The following CSNK2A2IP variants were observed in gnomAD, a reference collection of about 807,000 sequenced individuals.
The protein encoded by CSNK2A2IP is casein kinase II subunit alpha'-interacting protein.
At chr3:88,339,985 G>T in the CSNK2A2IP span, among the ~76,000 whole-genome samples, 2 of 151,910 alleles carry the variant, frequency 1.3e-5, no homozygotes, top group Non-Finnish European at 2.9e-5. Context: ...AATGTTTTTA[G>T]ATATGCATTG....
the CSNK2A2IP span, among the ~76,000 whole-genome samples, chr3:88,406,390 G>A: frequency 3.9e-5 from 6 of 152,136 alleles, no homozygotes; most frequent in South Asian, 2.1e-4. Context: ...TACGGGAAGC[G>A]CAGTTGCTTT....
the CSNK2A2IP span, among the ~76,000 whole-genome samples, chr3:88,444,896 T>C: frequency 6.6e-6 from 1 of 152,202 alleles, no homozygotes; most frequent in African/African-American, 2.4e-5. Context: ...CACAGCTGCT[T>C]TCTAGAGACC....
the CSNK2A2IP span, among the ~76,000 whole-genome samples, chr3:88,362,717 A>C: frequency 6.6e-6 from 1 of 152,192 alleles, no homozygotes; most frequent in South Asian, 2.1e-4. Flanking sequence ...AAGGTGGCAG[A>C]TTCCCTTTCA....
chr3:88,440,298 G>GT, the CSNK2A2IP span, among the ~76,000 whole-genome samples: 5 of 151,938 alleles, frequency 3.3e-5, no homozygotes, highest in Admixed American at 1.3e-4. Context: ...TTGGAGTTGA[G>GT]TTTTTTTTAG....
At chr3:88,386,271 C>A in the CSNK2A2IP span, among the ~76,000 whole-genome samples, 1 of 152,002 alleles carries the variant, frequency 6.6e-6, no homozygotes, top group Non-Finnish European at 1.5e-5. Context: ...ATTACAGGCA[C>A]CCGCCACCAT....
the CSNK2A2IP span, among the ~76,000 whole-genome samples, chr3:88,420,382 C>T: frequency 6.6e-6 from 1 of 152,070 alleles, no homozygotes; most frequent in African/African-American, 2.4e-5. Context: ...TCTGTCTTCC[C>T]TATGTTAGTA....
At chr3:88,357,614 A>G in the CSNK2A2IP span, among the ~76,000 whole-genome samples, 2 of 152,148 alleles carry the variant, frequency 1.3e-5, no homozygotes, top group Non-Finnish European at 1.5e-5. Context: ...GATTTATGTG[A>G]AGAACATCAT....
At chr3:88,356,103 A>G in the CSNK2A2IP span, among the ~76,000 whole-genome samples, 39 of 152,206 alleles carry the variant, frequency 2.6e-4, no homozygotes, top group East Asian at 2.9e-3. Context: ...GAATGTTCCA[A>G]TCCACTCTTT....
chr3:88,437,768 A>G, the CSNK2A2IP span, among the ~76,000 whole-genome samples: 299 of 152,276 alleles, frequency 2.0e-3, no homozygotes, highest in African/African-American at 6.9e-3. Context: ...TCCTAGTTGG[A>G]TAGACTATCT....
At chr3:88,462,250 G>T in the CSNK2A2IP span, among the ~76,000 whole-genome samples, 2 of 151,798 alleles carry the variant, frequency 1.3e-5, no homozygotes, top group Non-Finnish European at 2.9e-5. Flanking sequence ...TACTTTGTAT[G>T]CTCTGTTTAA....
chr3:88,434,682 C>T, the CSNK2A2IP span, among the ~76,000 whole-genome samples: 1,383 of 152,204 alleles, frequency 9.1e-3, 14 homozygotes, highest in Non-Finnish European at 0.014. Context: ...TATAGTTTCC[C>T]CACCCAATGC....
the CSNK2A2IP span, among the ~76,000 whole-genome samples, chr3:88,415,844 A>T: frequency 6.6e-6 from 1 of 152,048 alleles, no homozygotes; most frequent in Non-Finnish European, 1.5e-5. Flanking sequence ...TCATTTTGGC[A>T]GTGTGACCTC....
the CSNK2A2IP span, among the ~76,000 whole-genome samples, chr3:88,344,472 A>G: frequency 2.6e-5 from 4 of 151,966 alleles, no homozygotes; most frequent in Non-Finnish European, 5.9e-5. Context: ...AGCAAGAGCT[A>G]TTGACTTTAG....
chr3:88,436,109 A>G, the CSNK2A2IP span, among the ~76,000 whole-genome samples: 1 of 152,086 alleles, frequency 6.6e-6, no homozygotes, highest in Non-Finnish European at 1.5e-5. Flanking sequence ...TATTTACTGT[A>G]TGATGTTCTT....
At chr3:88,359,574 ATTTG>A in the CSNK2A2IP span, among the ~76,000 whole-genome samples, 1 of 151,728 alleles carries the variant, frequency 6.6e-6, no homozygotes, top group Non-Finnish European at 1.5e-5. Context: ...TTCCATTTTC[ATTTG>A]TTTCAGTAAA....
chr3:88,424,170 G>C, the CSNK2A2IP span, among the ~76,000 whole-genome samples: 9 of 152,128 alleles, frequency 5.9e-5, no homozygotes, highest in Non-Finnish European at 1.2e-4. Flanking sequence ...TTCATGCTTA[G>C]TTGAATAAAC....
chr3:88,346,590 G>A, the CSNK2A2IP span, among the ~76,000 whole-genome samples: 1 of 151,994 alleles, frequency 6.6e-6, no homozygotes, highest in South Asian at 2.1e-4. Flanking sequence ...AGAACTGGAT[G>A]ACAGCAATCT....
the CSNK2A2IP span, among the ~76,000 whole-genome samples, chr3:88,457,695 CAAAATAAAATAAAATAAAATAAAAT>C: frequency 4.4e-4 from 48 of 110,306 alleles, no homozygotes; most frequent in Non-Finnish European, 6.5e-4. Flanking sequence ...GACTCAGTCT[CAAAATAAAATAAAATAAAATAAAAT>C]AAAATAAAAT....
chr3:88,339,195 A>G, the CSNK2A2IP span, among the ~76,000 whole-genome samples: 1 of 151,698 alleles, frequency 6.6e-6, no homozygotes, highest in Non-Finnish European at 1.5e-5. Flanking sequence ...AACAATCCTC[A>G]CTTTATCCCC....
Sources: allele counts gnomAD v4.1 joint callset (sites outside exome capture counted in the v4.1 genomes callset), GRCh38; gene constraint gnomAD v4.1.1; transcripts MANE v1.5; gene names NCBI Gene and HGNC (gene_info 2026-07-23, HGNC 2026-07-21).